The following CCDC93 variants were observed in gnomAD, a reference collection of about 807,000 sequenced individuals.
CCDC93 encodes coiled-coil domain-containing protein 93.
CCDC93 carries 61 observed loss-of-function variants against 108.2 expected under a neutral mutation model. That is an observed-to-expected ratio of 0.56 (90% CI 0.46 to 0.70). The LOEUF is 0.70. Ranked by LOEUF, CCDC93 falls within the 30% of genes least tolerant of loss-of-function variation. CCDC93 has a pLI of 0.00. For missense variants in CCDC93, 685 were observed against 764.2 expected (o/e 0.90, Z 1.22); for synonymous variants, 276 against 260.4 (o/e 1.06, Z -0.58).
At chr2:117,970,517 A>G (rs999569707) in intron 11 of CCDC93, among the ~76,000 whole-genome samples, 1 of 152,276 alleles carries the variant, frequency 6.6e-6, no homozygotes, top group Non-Finnish European at 1.5e-5. Context: ...AAAACAATAC[A>G]AAAGTAAAAT....
At chr2:117,939,585 G>C (rs2104727174) in intron 19 of CCDC93, among the ~76,000 whole-genome samples, 1 of 152,308 alleles carries the variant, frequency 6.6e-6, no homozygotes, top group African/African-American at 2.4e-5. Flanking sequence ...AGCAGGAATA[G>C]AAAAGTAAAG....
chr2:117,991,240 G>A (rs114231403), intron 6 of CCDC93, among the ~76,000 whole-genome samples: 1,604 of 152,248 alleles, frequency 0.011, 26 homozygotes, highest in African/African-American at 0.037. Context: ...CCATTCTTTG[G>A]CTGGGCAACA....
Position 117,958,413 on chromosome 2 carries a change from G to A in CCDC93, c.957C>T (p.Val319=). 1.2e-6 allele frequency: 2 copies of A among 1,613,724 alleles called. No homozygotes were observed. The highest frequency in any genetic ancestry group is 1.7e-6 in the Non-Finnish European group (2 of 1,179,648). Residue 319 remains valine, a synonymous_variant, in exon 12 of 24, where the codon GTC becomes GTT. Coordinates refer to ENST00000376300, the MANE Select transcript of CCDC93 (RefSeq NM_019044.5). The part of the protein sequence containing the change: ...LGTSQLHRRK[V]ISLNKQIAQK... ...GCGCAATCTGTTTGTTCAAGGAAAT[G>A]ACTTTCCGGCGATGTAGCTGGGAGG...
At chr2:117,934,786 T>C (rs756634723) in intron 22 of CCDC93, 1 of 152,218 alleles carries the variant, frequency 6.6e-6, no homozygotes, top group Non-Finnish European at 1.5e-5. Flanking sequence ...CCGGAAGATT[T>C]TACTGCCATG....
chr2:117,943,961 G>T, intron 18 of CCDC93, 63 bp downstream of exon 18: 2 of 1,129,902 alleles, frequency 1.8e-6, no homozygotes, highest in South Asian at 1.5e-5. Context: ...TTCTAGTTAT[G>T]TCATAGGACA....
At chr2:117,972,329 T>C (rs917489744) in intron 11 of CCDC93, among the ~76,000 whole-genome samples, 1 of 152,194 alleles carries the variant, frequency 6.6e-6, no homozygotes, top group Non-Finnish European at 1.5e-5. Flanking sequence ...TAAACCAGAA[T>C]GTATCCATCA....
At chr2:117,923,007 CAAA>C (rs34776554) in intron 23 of CCDC93, among the ~76,000 whole-genome samples, 2 of 132,880 alleles carry the variant, frequency 1.5e-5, no homozygotes, top group East Asian at 4.3e-4. Context: ...GTAATATGTT[CAAA>C]AAAAAAAAAG....
At chr2:117,955,710 A>T (rs1235788076) in intron 12 of CCDC93, among the ~76,000 whole-genome samples, 1 of 152,194 alleles carries the variant, frequency 6.6e-6, no homozygotes, top group Non-Finnish European at 1.5e-5. Context: ...TGAATGAGTT[A>T]ATTTTATAAA....
chr2:117,972,730 TCAGA>T (rs1227439171), intron 11 of CCDC93, among the ~76,000 whole-genome samples: 1 of 152,162 alleles, frequency 6.6e-6, no homozygotes, highest in Non-Finnish European at 1.5e-5. Context: ...CACTTTCTTC[TCAGA>T]CAGTGAGTTA....
intron 6 of CCDC93, among the ~76,000 whole-genome samples, chr2:117,988,793 G>A (rs1209345095): frequency 6.6e-6 from 1 of 152,206 alleles, no homozygotes; most frequent in African/African-American, 2.4e-5. Context: ...AAGATGGATG[G>A]ATGGCAATCA....
In CCDC93 at chr2:118,011,436, A is replaced by G. The variant is rs562677540; in HGVS notation, c.42+2518T>C. ...CCTAGTGGACATAAAAATTTTCTTA[A>G]GTAATATAAATAATTCACACCTTCT... On this transcript the variant is annotated intron_variant, in intron 1 of 23. Transcript: ENST00000376300. Among the ~76,000 whole-genome samples the G allele has an allele frequency of 2.1e-4, 32 of 152,284 alleles. No homozygotes were observed. In the South Asian group the frequency reaches 6.6e-3, roughly 32 times the overall value.
intron 13 of CCDC93, chr2:117,951,330 T>C (rs1484158387): frequency 1.0e-6 from 1 of 985,274 alleles, no homozygotes; most frequent in Admixed American, 6.2e-5. Flanking sequence ...GCAGGCGTCT[T>C]TATGAACAAT....
chr2:117,947,347 A>C (rs1407535140), intron 15 of CCDC93, among the ~76,000 whole-genome samples: 2 of 152,086 alleles, frequency 1.3e-5, no homozygotes, highest in East Asian at 3.9e-4. Context: ...CCTCCCCTGG[A>C]GCTCACACAG....
intron 13 of CCDC93, 149 bp downstream of exon 13, chr2:117,952,224 G>C: frequency 1.5e-6 from 1 of 677,508 alleles, no homozygotes; most frequent in Non-Finnish European, 2.7e-6. Context: ...CCATGTAACT[G>C]TCCTATGTCC....
At chr2:117,939,926 C>T (rs1678645773) in intron 19 of CCDC93, among the ~76,000 whole-genome samples, 1 of 152,106 alleles carries the variant, frequency 6.6e-6, no homozygotes, top group Non-Finnish European at 1.5e-5. Flanking sequence ...TGAAGTGGGC[C>T]AAGACGATGC....
intron 7 of CCDC93, among the ~76,000 whole-genome samples, chr2:117,983,611 T>C (rs919510905): frequency 1.3e-5 from 2 of 149,668 alleles, no homozygotes; most frequent in African/African-American, 2.5e-5. Flanking sequence ...GTTTTCTACA[T>C]TGAACAAACT....
chr2:117,941,124 G>C, intron 19 of CCDC93, 65 bp downstream of exon 19: 1 of 1,159,766 alleles, frequency 8.6e-7, no homozygotes. Context: ...CCATGCTAAA[G>C]TGGAACAGAC....
intron 6 of CCDC93, among the ~76,000 whole-genome samples, chr2:117,988,347 A>G (rs913263106): frequency 1.3e-5 from 2 of 152,176 alleles, no homozygotes; most frequent in Admixed American, 6.5e-5. Flanking sequence ...AGAACAGCAC[A>G]GTACCATGGC....
intron 7 of CCDC93, among the ~76,000 whole-genome samples, chr2:117,980,671 A>G (rs1275351940): frequency 6.6e-6 from 1 of 152,204 alleles, no homozygotes; most frequent in African/African-American, 2.4e-5. Flanking sequence ...TGCTTCATTC[A>G]CTTTAAAAAA....
Sources: gnomAD v4.1 joint callset for allele counts (sites outside exome capture counted in the v4.1 genomes callset) on GRCh38, gnomAD v4.1.1 for gene constraint, MANE v1.5 for transcripts, NCBI Gene and HGNC (gene_info 2026-07-23, HGNC 2026-07-21) for gene names.